The following MED27 variants were observed in gnomAD, a reference collection of about 807,000 sequenced individuals.
MED27 encodes the protein mediator complex subunit 27, also known as mediator of RNA polymerase II transcription subunit 27.
A neutral mutation model predicts 38.2 loss-of-function variants in MED27; 30 were observed. The ratio of observed to expected loss-of-function variants is 0.79; its 90% CI spans 0.59 to 1.07. The LOEUF (loss-of-function observed/expected upper bound fraction) is 1.07. Among genes scored for constraint, MED27 ranks in the 50% least tolerant of loss-of-function variants. The pLI is 0.00. For synonymous variants in MED27, 122 were observed against 153.5 expected (o/e 0.79, Z 1.52); for missense variants, 289 against 397.5 (o/e 0.73, Z 2.32).
intron 6 of MED27, among the ~76,000 whole-genome samples, chr9:131,867,673 C>A (rs929051936): frequency 6.6e-6 from 1 of 152,248 alleles, no homozygotes; most frequent in African/African-American, 2.4e-5. Context: ...TAGAAATCTG[C>A]CCTCTTGGGC....
chr9:131,946,864 G>A (rs565318404), intron 3 of MED27, among the ~76,000 whole-genome samples: 105 of 152,316 alleles, frequency 6.9e-4, no homozygotes, highest in Non-Finnish European at 1.2e-3. Context: ...CCTCAGGGAA[G>A]TACGGTCTCA....
intron 4 of MED27, among the ~76,000 whole-genome samples, chr9:131,902,080 C>A (rs1445301214): frequency 6.6e-6 from 1 of 152,206 alleles, no homozygotes; most frequent in Non-Finnish European, 1.5e-5. Context: ...AGCAATCCTC[C>A]TCCAGGGCTC....
chr9:131,908,564 T>A (rs1830125698), intron 4 of MED27, among the ~76,000 whole-genome samples: 1 of 152,200 alleles, frequency 6.6e-6, no homozygotes, highest in South Asian at 2.1e-4. Context: ...ATCCTGTTGA[T>A]CTGTGACCTT....
At chr9:132,019,736 G>A (rs1018445250) in intron 2 of MED27, among the ~76,000 whole-genome samples, 6 of 152,244 alleles carry the variant, frequency 3.9e-5, no homozygotes, top group African/African-American at 7.2e-5. Context: ...GCTCTGTCCC[G>A]CGGGGATAGG....
intron 3 of MED27, among the ~76,000 whole-genome samples, chr9:131,980,843 C>T (rs750122518): frequency 6.6e-6 from 1 of 152,090 alleles, no homozygotes; most frequent in Non-Finnish European, 1.5e-5. Context: ...CTTCCCGCAG[C>T]AGACAGCAGG....
intron 2 of MED27, among the ~76,000 whole-genome samples, chr9:132,075,509 A>T (rs775985618): frequency 2.6e-5 from 4 of 152,210 alleles, no homozygotes; most frequent in Non-Finnish European, 4.4e-5. Flanking sequence ...GAAGTTCCAC[A>T]TACATAACAT....
chr9:131,959,220 G>A (rs1831163768), intron 3 of MED27, among the ~76,000 whole-genome samples: 1 of 152,172 alleles, frequency 6.6e-6, no homozygotes, highest in Non-Finnish European at 1.5e-5. Flanking sequence ...TTTGAAGTGA[G>A]GACAATAACA....
chr9:131,864,612 C>G (rs1367938760), intron 6 of MED27, among the ~76,000 whole-genome samples: 1 of 152,270 alleles, frequency 6.6e-6, no homozygotes, highest in Non-Finnish European at 1.5e-5. Flanking sequence ...CCAATGAACA[C>G]TGTGTATGTG....
intron 4 of MED27, among the ~76,000 whole-genome samples, chr9:131,919,622 T>G (rs755847438): frequency 1.7e-4 from 26 of 151,916 alleles, no homozygotes; most frequent in Admixed American, 8.5e-4. Context: ...GGGTCCCAAG[T>G]AGGGGTGAGT....
chr9:131,898,915 G>C (rs1175026267), intron 4 of MED27, among the ~76,000 whole-genome samples: 2 of 152,192 alleles, frequency 1.3e-5, no homozygotes, highest in African/African-American at 4.8e-5. Flanking sequence ...AATATACCCA[G>C]TTTTGAAGCC....
At chr9:132,009,355 C>CT (rs900292738) in intron 3 of MED27, among the ~76,000 whole-genome samples, 5 of 152,186 alleles carry the variant, frequency 3.3e-5, no homozygotes, top group African/African-American at 9.7e-5. Context: ...ATCCCCTCCC[C>CT]TTGCATGCCA....
At chr9:132,011,396 T>G (rs146892111) in intron 3 of MED27, among the ~76,000 whole-genome samples, 1 of 152,266 alleles carries the variant, frequency 6.6e-6, no homozygotes, top group South Asian at 2.1e-4. Context: ...TATACTATTA[T>G]TGTTCTATTT....
intron 2 of MED27, among the ~76,000 whole-genome samples, chr9:132,050,681 C>T (rs556840452): frequency 2.6e-5 from 4 of 152,300 alleles, no homozygotes; most frequent in East Asian, 1.9e-4. Flanking sequence ...TGCTGGAAGG[C>T]GCTCTCCAGA....
rs564372992 is a variant in MED27, at chr9:131,918,055, G to A, written c.573+21326C>T. 5.3e-5 allele frequency among the ~76,000 whole-genome samples: 8 copies of A among 152,282 alleles called. No individual in the cohort carries two copies. The East Asian group carries it at 1.5e-3, about 29-fold the overall frequency. ...AAAATCCAATAAAATTCCCTTGGAG[G>A]TGGAATTGCCTTCTCCAACATTTAA... On this transcript the variant is annotated intron_variant, in intron 4 of 7. Coordinates refer to ENST00000292035, the MANE Select transcript of MED27 (RefSeq NM_004269.4).
At chr9:131,983,940 T>C (rs1389674964) in intron 3 of MED27, among the ~76,000 whole-genome samples, 1 of 152,150 alleles carries the variant, frequency 6.6e-6, no homozygotes, top group Non-Finnish European at 1.5e-5. Context: ...CTCATGCAGC[T>C]CCAACTGATC....
In MED27 at chr9:131,917,893, A is replaced by AAAAATT. The variant is rs1830322743; in HGVS notation, c.573+21487_573+21488insAATTTT. On this transcript the variant is annotated intron_variant, in intron 4 of 7. Transcript: ENST00000292035. The surrounding 1 kb of genome is among the most constrained non-coding windows in gnomAD (Gnocchi z 4.6). ...GCCTTAAAAAAATAAAAATAAAAATAAAGGTAGTGGTAGTACTATGCATTC... is the reference window on the plus strand; with the variant it reads ...GCCTTAAAAAAATAAAAATAAAAATAAAAATTAAGGTAGTGGTAGTACTATGCATTC... Among the ~76,000 whole-genome samples the AAAAATT allele has an allele frequency of 6.6e-6, 1 of 152,182 alleles. No individual in the cohort carries two copies. Among genetic ancestry groups the AAAAATT allele is most frequent in the African/African-American group, 2.4e-5 (1 of 41,444 alleles).
chr9:131,939,100 A>G (rs550164162), intron 4 of MED27, among the ~76,000 whole-genome samples: 1 of 152,348 alleles, frequency 6.6e-6, no homozygotes, highest in African/African-American at 2.4e-5. Context: ...AGATTCGCCA[A>G]AACATTGGGA....
intron 2 of MED27, among the ~76,000 whole-genome samples, chr9:132,058,369 C>T (rs1025104770): frequency 1.2e-4 from 19 of 152,312 alleles, no homozygotes; most frequent in African/African-American, 3.8e-4. Context: ...TGGGAGGTAA[C>T]TGAATCATGG....
At position 131,889,352 on chromosome 9, in the gene MED27, AC is replaced by A. The variant is rs1839191123; in HGVS notation, c.681+4532del. On this transcript the variant is annotated intron_variant, in intron 5 of 7. Coordinates refer to ENST00000292035, the MANE Select transcript of MED27 (RefSeq NM_004269.4). The surrounding 1 kb of genome is among the most constrained non-coding windows in gnomAD (Gnocchi z 4.2). ...TTAATGAAGCTATAGCATTAACATAACCTAAATCCCCCAAAAAGTTAAATTC... is the reference window on the plus strand; with the variant it reads ...TTAATGAAGCTATAGCATTAACATAACTAAATCCCCCAAAAAGTTAAATTC... 6.6e-6 allele frequency among the ~76,000 whole-genome samples: 1 copy of A among 152,148 alleles called. No homozygotes were observed. Among genetic ancestry groups the A allele is most frequent in the Admixed American group, 6.5e-5 (1 of 15,276 alleles).
Sources: allele counts gnomAD v4.1 joint callset (sites outside exome capture counted in the v4.1 genomes callset), GRCh38; gene constraint gnomAD v4.1.1; non-coding constraint Gnocchi (gnomAD v3.1); transcripts MANE v1.5; gene names NCBI Gene and HGNC (gene_info 2026-07-23, HGNC 2026-07-21).